FASLG: variants seen among roughly 807,000 people sequenced by gnomAD.
FASLG encodes the protein tumor necrosis factor ligand superfamily member 6.
A neutral mutation model predicts 24.6 loss-of-function variants in FASLG; 9 were observed. The ratio of observed to expected loss-of-function variants is 0.37; its 90% CI spans 0.22 to 0.64. The LOEUF is 0.64. Ranked by LOEUF, FASLG falls within the 30% of genes least tolerant of loss-of-function variation. The pLI is 0.64. For missense variants in FASLG, 306 were observed against 345.3 expected (o/e 0.89, Z 0.90); for synonymous variants, 130 against 135.5 (o/e 0.96, Z 0.28).
Position 172,665,706 on chromosome 1 carries a change from G to A in FASLG, c.536G>A (p.Gly179Asp). 6.2e-7 allele frequency: 1 copy of A among 1,614,168 alleles called. No homozygotes were observed. The highest frequency in any genetic ancestry group is 1.1e-5 in the South Asian group (1 of 91,076). ...CTTTCTGGAGTGAAGTATAAGAAGG[G>A]TGGCCTTGTGATCAATGAAACTGGG... The part of the protein sequence containing the change: ...VLLSGVKYKK[G>D]GLVINETGLY... Residue 179 changes from glycine to aspartate, a missense_variant, in exon 4 of 4, where the codon GGT becomes GAT. By Grantham distance (94) the Gly-to-Asp change is moderately conservative. Coordinates refer to ENST00000367721, the MANE Select transcript of FASLG (RefSeq NM_000639.3).
intron 2 of FASLG, among the ~76,000 whole-genome samples, chr1:172,660,710 A>G (rs1659119241): frequency 1.3e-5 from 2 of 152,226 alleles, no homozygotes; most frequent in African/African-American, 4.8e-5. Flanking sequence ...TTCAGCCATC[A>G]TTCAAAGGAT....
At chr1:172,664,899 C>T (rs916784595) in intron 3 of FASLG, among the ~76,000 whole-genome samples, 4 of 152,138 alleles carry the variant, frequency 2.6e-5, no homozygotes, top group Non-Finnish European at 5.9e-5. Context: ...TTATAAACTA[C>T]ATAAATAATG....
Position 172,659,360 on chromosome 1 carries a change from A to G in FASLG, c.159A>G (p.Pro53=), listed in dbSNP as rs980683706. 6.2e-7 allele frequency: 1 copy of G among 1,610,894 alleles called. No individual in the cohort carries two copies. The highest frequency in any genetic ancestry group is 1.3e-5 in the African/African-American group (1 of 74,960). ...CACCACCACCACCGCCACCGCCACC[A>G]CTACCACCTCCGCCGCCGCCGCCAC... ...RRPPPPPPPP[P]LPPPPPPPPL... Residue 53 remains proline, a synonymous_variant, in exon 1 of 4, where the codon CCA becomes CCG. Transcript: ENST00000367721.
Position 172,659,423 on chromosome 1 carries a change from A to G in FASLG, c.222A>G (p.Arg74=). 2 of 1,613,430 alleles carry G rather than the reference A, an allele frequency of 1.2e-6. No individual in the cohort carries two copies. The highest frequency in any genetic ancestry group is 1.1e-5 in the South Asian group (1 of 90,968). ...PPLPLPPLKK[R]GNHSTGLCLL... ...TACCGCTGCCACCCCTGAAGAAGAGAGGGAACCACAGCACAGGCCTGTGTC... is the reference window on the plus strand; with the variant it reads ...TACCGCTGCCACCCCTGAAGAAGAGGGGGAACCACAGCACAGGCCTGTGTC... Residue 74 remains arginine (R), a synonymous_variant, in exon 1 of 4, where the codon AGA becomes AGG. Transcript: ENST00000367721.
intron 2 of FASLG, among the ~76,000 whole-genome samples, chr1:172,661,375 T>A (rs566440741): frequency 2.0e-5 from 3 of 152,318 alleles, no homozygotes; most frequent in Admixed American, 2.0e-4. Flanking sequence ...ACTGTTGGGA[T>A]GCTCTGGCCC....
rs1558235286 is a variant in FASLG, at chr1:172,665,831, G to T, written c.661G>T (p.Asp221Tyr). 1 of 1,614,132 alleles carries T rather than the reference G, an allele frequency of 6.2e-7. No homozygotes were observed. The highest frequency in any genetic ancestry group is 8.5e-7 in the Non-Finnish European group (1 of 1,180,036). Reference sequence around the variant, plus strand: ...CATGAGGAACTCTAAGTATCCCCAGGATCTGGTGATGATGGAGGGGAAGAT... The same window carrying T: ...CATGAGGAACTCTAAGTATCCCCAGTATCTGGTGATGATGGAGGGGAAGAT... ...VYMRNSKYPQ[D>Y]LVMMEGKMMS... The change falls in exon 4 of 4, where the codon GAT becomes TAT. Residue 221 changes from aspartate to tyrosine, a missense_variant. Coordinates refer to ENST00000367721, the MANE Select transcript of FASLG (RefSeq NM_000639.3).
At chr1:172,662,333 TC>T (rs1659160397) in intron 2 of FASLG, among the ~76,000 whole-genome samples, 1 of 152,254 alleles carries the variant, frequency 6.6e-6, no homozygotes, top group African/African-American at 2.4e-5. Context: ...TCTAATTTGC[TC>T]CTTTTTACAT....
intron 2 of FASLG, among the ~76,000 whole-genome samples, chr1:172,661,320 A>G (rs1558234000): frequency 1.3e-5 from 2 of 152,226 alleles, no homozygotes; most frequent in Non-Finnish European, 2.9e-5. Flanking sequence ...CACATGACCC[A>G]GTCGCCTGTC....
rs1480997043 is a variant in FASLG, at chr1:172,666,697, A to G, written c.*681A>G. The G allele has an allele frequency of 6.6e-6, 1 of 152,624 alleles. No homozygotes were observed. The highest frequency in any genetic ancestry group is 1.5e-5 in the Non-Finnish European group (1 of 68,068). The allele number at this position is 152,624 out of a possible 1,614,324, so 9.5% of individuals were successfully genotyped here. ...ATTGTGAAGTACATATTAGGAAAAT[A>G]TGGGTTGCATTTGGTCAAGATTTTG... is the stretch of plus-strand genomic sequence containing the variant. On this transcript the variant is annotated 3_prime_UTR_variant, in exon 4 of 4. Coordinates refer to ENST00000367721, the MANE Select transcript of FASLG (RefSeq NM_000639.3).
intron 2 of FASLG, 102 bp from the exon 3 acceptor site, chr1:172,664,232 G>T: frequency 4.1e-6 from 5 of 1,225,884 alleles, no homozygotes; most frequent in Admixed American, 4.0e-5. Context: ...TGCCATTTAC[G>T]GTTTTAAAAT....
chr1:172,665,618 T>A lies in FASLG; in HGVS notation c.452-4T>A. ...GTTGAAAGCTCCTTTTGGATTTATT[T>A]CAGGCAAGTCCAACTCAAGGTCCAT... On this transcript the variant is annotated splice_polypyrimidine_tract_variant and splice_region_variant and intron_variant, in intron 3 of 3. Coordinates refer to ENST00000367721, the MANE Select transcript of FASLG (RefSeq NM_000639.3). 3 of 1,612,086 alleles carry A rather than the reference T, an allele frequency of 1.9e-6. No homozygotes were observed. The highest frequency in any genetic ancestry group is 2.5e-6 in the Non-Finnish European group (3 of 1,180,026).
intron 2 of FASLG, among the ~76,000 whole-genome samples, chr1:172,664,100 CATT>C (rs1659200485): frequency 6.6e-6 from 1 of 152,046 alleles, no homozygotes; most frequent in Non-Finnish European, 1.5e-5. Flanking sequence ...TTTATTGTAA[CATT>C]ATAATTTATA....
chr1:172,663,442 G>A (rs975570147), intron 2 of FASLG, among the ~76,000 whole-genome samples: 1 of 152,136 alleles, frequency 6.6e-6, no homozygotes, highest in Admixed American at 6.5e-5. Flanking sequence ...GGCTTGAGAG[G>A]GTTTCCCAAA....
At chr1:172,661,452 T>C (rs1659137900) in intron 2 of FASLG, among the ~76,000 whole-genome samples, 1 of 152,204 alleles carries the variant, frequency 6.6e-6, no homozygotes, top group African/African-American at 2.4e-5. Context: ...TGGAAATATT[T>C]GATAGAAAAG....
In FASLG at chr1:172,665,338, A is replaced by G. The variant is rs570685987; in HGVS notation, c.452-284A>G. Among the ~76,000 whole-genome samples the G allele has an allele frequency of 3.9e-5, 6 of 152,362 alleles. No individual in the cohort carries two copies. The South Asian group carries it at 8.3e-4, about 21-fold the overall frequency. ...CAGATTTGGTGCTAGTTCTGAAGAT[A>G]GTAAAATCTTTGTTCCAGAGAGCAA... is the stretch of plus-strand genomic sequence containing the variant. On this transcript the variant is annotated intron_variant, in intron 3 of 3. Transcript: ENST00000367721.
At chr1:172,664,767 C>T (rs574160248) in intron 3 of FASLG, among the ~76,000 whole-genome samples, 3 of 152,300 alleles carry the variant, frequency 2.0e-5, no homozygotes, top group African/African-American at 7.2e-5. Flanking sequence ...TCTGGAAGAG[C>T]TTCACTCTGC....
chr1:172,665,259 T>A (rs1659233862), intron 3 of FASLG, among the ~76,000 whole-genome samples: 1 of 152,238 alleles, frequency 6.6e-6, no homozygotes, highest in South Asian at 2.1e-4. Context: ...ACTTTAGAAC[T>A]TTAGAGTTCC....
At chr1:172,660,757 C>T (rs1428332246) in intron 2 of FASLG, among the ~76,000 whole-genome samples, 3 of 152,124 alleles carry the variant, frequency 2.0e-5, no homozygotes, top group Admixed American at 6.5e-5. Flanking sequence ...ATGAGGTACC[C>T]TTGATCACAA....
intron 2 of FASLG, 43 bp from the exon 3 acceptor site, chr1:172,664,291 C>T (rs1223290295): frequency 5.1e-6 from 8 of 1,578,378 alleles, no homozygotes; most frequent in Non-Finnish European, 7.0e-6. Context: ...ATAATAGTTG[C>T]TATTTCATTT....
Sources: gnomAD v4.1 joint callset for allele counts (sites outside exome capture counted in the v4.1 genomes callset) on GRCh38, gnomAD v4.1.1 for gene constraint, MANE v1.5 for transcripts, NCBI Gene and HGNC (gene_info 2026-07-23, HGNC 2026-07-21) for gene names.